The following CAPN11 variants were observed in gnomAD, a reference collection of about 807,000 sequenced individuals.
The protein encoded by CAPN11 is calpain 11.
CAPN11 carries 108 observed loss-of-function variants against 105.3 expected under a neutral mutation model. The ratio of observed to expected loss-of-function variants is 1.03; its 90% confidence interval spans 0.88 to 1.20. The LOEUF (loss-of-function observed/expected upper bound fraction) is 1.20, where lower values mean the gene tolerates loss of function less well. CAPN11 is among the 50% of genes most tolerant of loss of function. The pLI is 0.00. For synonymous variants in CAPN11, 329 were observed against 344.5 expected, an observed-to-expected ratio of 0.96 and a Z score of 0.50; for missense variants, 883 against 924.8, an observed-to-expected ratio of 0.95 and a Z score of 0.59.
intron 17 of CAPN11, 49 bp downstream of exon 17, chr6:44,180,854 C>T: frequency 6.2e-7 from 1 of 1,605,488 alleles, no homozygotes; most frequent in Non-Finnish European, 8.5e-7. Flanking sequence ...ATATTTTGTG[C>T]CCCTCTTGAT....
intron 14 of CAPN11, 72 bp downstream of exon 14, chr6:44,180,235 C>A: frequency 8.8e-7 from 1 of 1,140,288 alleles, no homozygotes; most frequent in Non-Finnish European, 1.3e-6. Context: ...CAGGGAGCTG[C>A]TGTCGGGTCC....
chr6:44,178,506 C>T (rs1447610240), intron 12 of CAPN11, among the ~76,000 whole-genome samples: 5 of 152,104 alleles, frequency 3.3e-5, no homozygotes, highest in African/African-American at 1.2e-4. Flanking sequence ...CTACTGTGTG[C>T]CAGGCCCCTG....
At chr6:44,177,601 C>T (rs1310899989) in intron 12 of CAPN11, 181 bp downstream of exon 12, 2 of 601,546 alleles carry the variant, frequency 3.3e-6, no homozygotes, top group African/African-American at 1.9e-5. Context: ...GATTCTCGTG[C>T]CTCAGCCTTC....
At chr6:44,160,096 C>T (rs982272988) in intron 1 of CAPN11, among the ~76,000 whole-genome samples, 3 of 150,698 alleles carry the variant, frequency 2.0e-5, no homozygotes, top group African/African-American at 4.9e-5. Flanking sequence ...ATCGTGCCAC[C>T]GCACCCCAAG....
At chr6:44,175,541 C>T (rs1209197492) in intron 7 of CAPN11, among the ~76,000 whole-genome samples, 13 of 151,864 alleles carry the variant, frequency 8.6e-5, no homozygotes, top group Admixed American at 7.9e-4. Context: ...TTTGGGAAGC[C>T]GAGGTGGGCG....
At chr6:44,181,417 CACA>C in intron 19 of CAPN11, 97 bp downstream of exon 19, 1 of 49,442 alleles carries the variant, frequency 2.0e-5, no homozygotes, top group Non-Finnish European at 3.9e-5. Context: ...AAGCCCTAAC[CACA>C]CACACACACA....
intron 4 of CAPN11, 137 bp downstream of exon 4, chr6:44,170,112 TGAG>T: frequency 1.5e-6 from 1 of 681,216 alleles, no homozygotes; most frequent in Non-Finnish European, 2.6e-6. Context: ...CCTCCCCTTC[TGAG>T]GAGATGACAG....
At position 44,168,710 on chromosome 6, in the gene CAPN11, C is replaced by G. The variant is rs910189035; in HGVS notation, c.89-571C>G. 1.7e-4 allele frequency among the ~76,000 whole-genome samples: 26 copies of G among 152,076 alleles called. 1 individual carries two copies. The highest frequency in any genetic ancestry group is 1.7e-3 in the Admixed American group (26 of 15,264). ...TGATCTCAGCTCTGCACCTCCGCCTCCTGGGTTCAAGCGATTCTCCTGCCT... is the reference window on the plus strand; with the variant it reads ...TGATCTCAGCTCTGCACCTCCGCCTGCTGGGTTCAAGCGATTCTCCTGCCT... On this transcript the variant is annotated intron_variant, in intron 2 of 22. Coordinates refer to ENST00000398776, the MANE Select transcript of CAPN11 (RefSeq NM_007058.4).
At chr6:44,173,483 C>T (rs1387374870) in intron 7 of CAPN11, 97 bp downstream of exon 7, 11 of 750,784 alleles carry the variant, frequency 1.5e-5, no homozygotes, top group African/African-American at 8.7e-5. Context: ...AGCACCTTCT[C>T]ATTCAGTTCA....
Position 44,180,731 on chromosome 6 carries a change from A to C in CAPN11, c.1747-17A>C. The C allele has an allele frequency of 6.2e-7, 1 of 1,613,536 alleles. No individual in the cohort carries two copies. Among genetic ancestry groups the C allele is most frequent in the Non-Finnish European group, 8.5e-7 (1 of 1,179,640 alleles). On this transcript the variant is annotated splice_polypyrimidine_tract_variant and intron_variant, in intron 16 of 22. Transcript: ENST00000398776. ...GGCTGGAGGGGCCCGAGTGGGGTTC[A>C]CAGTTCCCCTTCCTAGGGCAAGGAG...
chr6:44,182,149 ACACAACCACACCACAC>A (rs1773761717), intron 19 of CAPN11, among the ~76,000 whole-genome samples: 2 of 33,658 alleles, frequency 5.9e-5, no homozygotes, highest in Admixed American at 2.2e-4. Context: ...TCACATACAG[ACACAACCACACCACAC>A]TCACACACAC....
intron 4 of CAPN11, 34 bp from the exon 5 acceptor site, chr6:44,172,268 C>T (rs1028430359): frequency 2.7e-6 from 4 of 1,456,534 alleles, no homozygotes; most frequent in Middle Eastern, 2.0e-4. Flanking sequence ...TATGGGGTTG[C>T]TCAGGGGTGG....
At chr6:44,180,848 T>G in intron 17 of CAPN11, 43 bp downstream of exon 17, 4 of 1,608,988 alleles carry the variant, frequency 2.5e-6, no homozygotes, top group Non-Finnish European at 3.4e-6. Context: ...TCCCCCATAT[T>G]TTGTGCCCCT....
At chr6:44,179,850 G>A in intron 13 of CAPN11, 102 bp from the exon 14 acceptor site, 1 of 982,880 alleles carries the variant, frequency 1.0e-6, no homozygotes, top group Non-Finnish European at 1.6e-6. Context: ...GTTGGTGGTG[G>A]CACCTACCTC....
At position 44,175,467 on chromosome 6, in the gene CAPN11, G is replaced by A. The variant is rs572123297; in HGVS notation, c.832-601G>A. 4.4e-4 allele frequency among the ~76,000 whole-genome samples: 67 copies of A among 150,852 alleles called. 1 individual carries two copies. The highest frequency in any genetic ancestry group is 2.5e-3 in the South Asian group (12 of 4,748). On this transcript the variant is annotated intron_variant, in intron 7 of 22. Transcript: ENST00000398776. ...TGCACTCCAGCCTGGGTGACACAGCGAGACCCTGTCTCAAAAATAATAATA... is the reference window on the plus strand; with the variant it reads ...TGCACTCCAGCCTGGGTGACACAGCAAGACCCTGTCTCAAAAATAATAATA...
chr6:44,180,855 C>T, intron 17 of CAPN11, 50 bp downstream of exon 17: 2 of 1,605,216 alleles, frequency 1.2e-6, no homozygotes, highest in Admixed American at 1.7e-5. Context: ...TATTTTGTGC[C>T]CCTCTTGATC....
intron 1 of CAPN11, among the ~76,000 whole-genome samples, chr6:44,159,806 AT>A (rs1399124816): frequency 6.6e-6 from 1 of 151,990 alleles, no homozygotes; most frequent in African/African-American, 2.4e-5. Flanking sequence ...CCTTAAATCT[AT>A]AGTCCCCTAA....
chr6:44,182,448 G>A (rs978808734), intron 19 of CAPN11, among the ~76,000 whole-genome samples: 30 of 152,196 alleles, frequency 2.0e-4, no homozygotes, highest in Non-Finnish European at 2.8e-4. Context: ...CACAAAGAGC[G>A]CTGGGCAGGG....
At chr6:44,176,786 A>G in intron 10 of CAPN11, 52 bp from the exon 11 acceptor site, 1 of 1,604,378 alleles carries the variant, frequency 6.2e-7, no homozygotes, top group South Asian at 1.1e-5. Context: ...AGGGAGAGGG[A>G]ACTGAGGATG....
Sources: gnomAD v4.1 joint callset for allele counts (sites outside exome capture counted in the v4.1 genomes callset) on GRCh38, gnomAD v4.1.1 for gene constraint, MANE v1.5 for transcripts, NCBI Gene and HGNC (gene_info 2026-07-23, HGNC 2026-07-21) for gene names.